Variants in POGLUT1 observed in about 807,000 individuals in gnomAD.
POGLUT1 encodes the protein 9630046K23Rik.
POGLUT1 carries 32 observed loss-of-function variants against 61.3 expected under a neutral mutation model. The ratio of observed to expected loss-of-function variants is 0.52; its 90% CI spans 0.39 to 0.70. POGLUT1 has a LOEUF of 0.70. Ranked by LOEUF, POGLUT1 falls within the 30% of genes least tolerant of loss-of-function variation. POGLUT1 has a pLI of 0.00. For synonymous variants in POGLUT1, 158 were observed against 158.2 expected (o/e 1.00, Z 0.01); for missense variants, 411 against 469.8 (o/e 0.87, Z 1.16).
In POGLUT1 at chr3:119,494,342, A is replaced by G. The variant is rs1045865108; in HGVS notation, c.*1904A>G. On this transcript the variant is annotated 3_prime_UTR_variant, in exon 11 of 11. Transcript: ENST00000295588. Reference sequence around the variant, plus strand: ...GACAGTTGGCTTAACCAGATCCTATATACAGATTATTACTGGCTCCAAAGG... The same window carrying G: ...GACAGTTGGCTTAACCAGATCCTATGTACAGATTATTACTGGCTCCAAAGG... 7 of 152,660 alleles carry G rather than the reference A, an allele frequency of 4.6e-5. No individual in the cohort carries two copies. Among genetic ancestry groups the G allele is most frequent in the African/African-American group, 1.7e-4 (7 of 41,450 alleles). 9.5% of individuals were successfully genotyped at this position (152,660 alleles called of 1,614,324 possible).
At chr3:119,479,615 T>C (rs1035478471) in intron 4 of POGLUT1, among the ~76,000 whole-genome samples, 2 of 152,180 alleles carry the variant, frequency 1.3e-5, no homozygotes, top group African/African-American at 4.8e-5. Flanking sequence ...CTCTTAACCA[T>C]TGCATGTATT....
chr3:119,489,541 G>A (rs1224635443), intron 8 of POGLUT1: 5 of 153,042 alleles, frequency 3.3e-5, no homozygotes, highest in African/African-American at 4.8e-5. Context: ...CTAATGACAC[G>A]CAGAGTAGGA....
rs1056976538 is a variant in POGLUT1, at chr3:119,493,886, G to C, written c.*1448G>C. The C allele has an allele frequency of 3.4e-5, 5 of 147,014 alleles. No homozygotes were observed. 9.1% of individuals were successfully genotyped at this position (147,014 alleles called of 1,614,324 possible). On this transcript the variant is annotated 3_prime_UTR_variant, in exon 11 of 11. Coordinates refer to ENST00000295588, the MANE Select transcript of POGLUT1 (RefSeq NM_152305.3). The stretch of plus-strand genomic sequence containing the variant: ...TCTTAGTCTGTGAATCTAGCAATAG[G>C]CAGTCCAGATTTCTGAGTCGTACTA...
At chr3:119,484,007 T>A (rs1296027182) in intron 5 of POGLUT1, among the ~76,000 whole-genome samples, 1 of 152,216 alleles carries the variant, frequency 6.6e-6, no homozygotes, top group Non-Finnish European at 1.5e-5. Context: ...GAACTTTGCA[T>A]GAGGAGCATG....
At position 119,480,077 on chromosome 3, in the gene POGLUT1, T is replaced by C. The variant is rs756682815; in HGVS notation, c.483T>C (p.Tyr161=). ...CATCAGAGTACCATGATATCATGTA[T>C]CCTGCTTGGACATTTTGGGAAGGGG... ...SKTSEYHDIM[Y]PAWTFWEGGP... The change falls in exon 5 of 11, where the codon TAT becomes TAC. Residue 161 remains tyrosine, a synonymous_variant. Transcript: ENST00000295588. The C allele has an allele frequency of 6.2e-7, 1 of 1,613,634 alleles. No homozygotes were observed. Among genetic ancestry groups the C allele is most frequent in the East Asian group, 2.2e-5 (1 of 44,868 alleles).
At chr3:119,478,175 G>T in intron 4 of POGLUT1, 1 of 361,690 alleles carries the variant, frequency 2.8e-6, no homozygotes, top group South Asian at 2.1e-5. Flanking sequence ...AGGCAGGAAG[G>T]CTAGAAGAGA....
At position 119,494,478 on chromosome 3, in the gene POGLUT1, G is replaced by T. The variant is rs967082562; in HGVS notation, c.*2040G>T. The T allele has an allele frequency of 1.3e-5, 2 of 152,638 alleles. No individual in the cohort carries two copies. Among genetic ancestry groups the T allele is most frequent in the African/African-American group, 2.4e-5 (1 of 41,446 alleles). The allele number at this position is 152,638 out of a possible 1,614,324, so 9.5% of individuals were successfully genotyped here. On this transcript the variant is annotated 3_prime_UTR_variant, in exon 11 of 11. Transcript: ENST00000295588. The stretch of plus-strand genomic sequence containing the variant: ...ATACAGCAAATGTTATTCAGATTTT[G>T]TACTTGTCTATCTGTTTACCTCAGT...
At chr3:119,486,417 T>C (rs182920735) in intron 6 of POGLUT1, among the ~76,000 whole-genome samples, 45 of 152,300 alleles carry the variant, frequency 3.0e-4, no homozygotes, top group Non-Finnish European at 5.7e-4. Context: ...TTAAATATTA[T>C]ACTGGGCTGT....
intron 3 of POGLUT1, among the ~76,000 whole-genome samples, chr3:119,472,693 G>C (rs1002130574): frequency 2.2e-4 from 33 of 151,394 alleles, no homozygotes; most frequent in African/African-American, 8.0e-4. Context: ...TCCAGGCTGG[G>C]AAACAAGAGC....
chr3:119,487,058 T>C, intron 7 of POGLUT1, 126 bp downstream of exon 7: 1 of 702,282 alleles, frequency 1.4e-6, no homozygotes, highest in Non-Finnish European at 2.6e-6. Context: ...GAAAGTTCCA[T>C]GAACCAGCAT....
At chr3:119,485,455 G>C in intron 6 of POGLUT1, 68 bp downstream of exon 6, 1 of 1,018,088 alleles carries the variant, frequency 9.8e-7, no homozygotes, top group Non-Finnish European at 1.5e-6. Flanking sequence ...TAACTTTGAG[G>C]GTATGACAAG....
At chr3:119,478,540 G>T (rs13078816) in intron 4 of POGLUT1, 2 of 394,436 alleles carry the variant, frequency 5.1e-6, no homozygotes, top group African/African-American at 4.2e-5. Flanking sequence ...AAGTATGACC[G>T]TCGGTATACT....
At chr3:119,471,600 T>C in intron 3 of POGLUT1, 148 bp downstream of exon 3, 1 of 743,910 alleles carries the variant, frequency 1.3e-6, no homozygotes, top group Admixed American at 2.4e-5. Context: ...CTCTTCTCCT[T>C]GCCTGGGAAT....
chr3:119,491,299 A>T (rs1006243561), intron 9 of POGLUT1, among the ~76,000 whole-genome samples: 45 of 149,610 alleles, frequency 3.0e-4, no homozygotes, highest in African/African-American at 9.0e-4. Context: ...TTTCTCAAAT[A>T]TGTCCCAAAT....
chr3:119,488,342 G>A (rs1271741000), intron 7 of POGLUT1: 1 of 152,132 alleles, frequency 6.6e-6, no homozygotes, highest in Non-Finnish European at 1.5e-5. Context: ...GGGCCAGCAG[G>A]TGATGTCAAG....
Position 119,492,506 on chromosome 3 carries a change from C to T in POGLUT1, c.*68C>T, listed in dbSNP as rs1451137316. 1.8e-6 allele frequency: 2 copies of T among 1,099,686 alleles called. No homozygotes were observed. The highest frequency in any genetic ancestry group is 2.6e-6 in the Non-Finnish European group (2 of 780,856). The allele number at this position is 1,099,686 out of a possible 1,614,324, so 68.1% of individuals were successfully genotyped here. A position where few individuals can be genotyped will look rare whatever the true frequency, so the allele number is the denominator to read the frequency against. ...CAGATATCCTACGGTGAGAAGCTTA[C>T]CATAAGCTTGGCACCTATACCTTGA... On this transcript the variant is annotated 3_prime_UTR_variant, in exon 11 of 11. Transcript: ENST00000295588.
At chr3:119,487,226 GTC>G (rs1235026001) in intron 7 of POGLUT1, among the ~76,000 whole-genome samples, 2 of 152,166 alleles carry the variant, frequency 1.3e-5, no homozygotes, top group African/African-American at 4.8e-5. Flanking sequence ...AGGTCGTATG[GTC>G]TCTATTGCAG....
At chr3:119,484,400 G>C (rs1009953273) in intron 5 of POGLUT1, among the ~76,000 whole-genome samples, 3 of 152,184 alleles carry the variant, frequency 2.0e-5, no homozygotes, top group Admixed American at 1.3e-4. Flanking sequence ...TCTGTGCAGG[G>C]AGGGTTCCTA....
chr3:119,475,981 C>CACACACACACACACACACAG (rs1475354662), intron 3 of POGLUT1, among the ~76,000 whole-genome samples: 1 of 126,040 alleles, frequency 7.9e-6, no homozygotes, highest in African/African-American at 3.3e-5. Flanking sequence ...CACACACACA[C>CACACACACACACACACACAG]ACACACACAC....
Sources: allele counts gnomAD v4.1 joint callset (sites outside exome capture counted in the v4.1 genomes callset), GRCh38; gene constraint gnomAD v4.1.1; transcripts MANE v1.5; gene names NCBI Gene and HGNC (gene_info 2026-07-23, HGNC 2026-07-21).